The following RAB11FIP3 variants were observed in gnomAD, a reference collection of about 807,000 sequenced individuals.
RAB11FIP3 encodes RAB11 family interacting protein 3.
In RAB11FIP3, 17 loss-of-function variants were observed where a neutral mutation model predicts 77.8. That is an observed-to-expected ratio of 0.22 (90% confidence interval 0.15 to 0.33). The LOEUF is 0.33. RAB11FIP3 is among the 10% of genes least tolerant of loss of function. RAB11FIP3 has a pLI of 1.00. For missense variants in RAB11FIP3, 1,005 were observed against 1,011.2 expected (o/e 0.99, Z 0.08); for synonymous variants, 437 against 448.2 (o/e 0.98, Z 0.31).
intron 9 of RAB11FIP3, among the ~76,000 whole-genome samples, chr16:516,507 A>G (rs1208943248): frequency 1.3e-5 from 2 of 152,258 alleles, no homozygotes; most frequent in South Asian, 2.1e-4. Flanking sequence ...TAACAAACTC[A>G]TAGTGACAGC....
At chr16:427,420 G>A (rs1479966376) in intron 1 of RAB11FIP3, among the ~76,000 whole-genome samples, 1 of 152,228 alleles carries the variant, frequency 6.6e-6, no homozygotes, top group Non-Finnish European at 1.5e-5. Context: ...GGTGAAATGC[G>A]TGGACAGGCA....
chr16:430,996 C>T (rs962110661), intron 1 of RAB11FIP3, among the ~76,000 whole-genome samples: 5 of 152,194 alleles, frequency 3.3e-5, no homozygotes, highest in African/African-American at 1.2e-4. Context: ...AGCCTGGCAT[C>T]GCCTTTTATT....
chr16:493,087 C>T (rs886306809), intron 5 of RAB11FIP3, among the ~76,000 whole-genome samples: 2 of 151,992 alleles, frequency 1.3e-5, no homozygotes, highest in African/African-American at 4.8e-5. Flanking sequence ...CCTGTCTCTA[C>T]TAAAAACATA....
chr16:465,860 C>T (rs552585537), intron 2 of RAB11FIP3, among the ~76,000 whole-genome samples: 1 of 152,304 alleles, frequency 6.6e-6, no homozygotes, highest in South Asian at 2.1e-4. Context: ...CCACCTCGGC[C>T]TCCCAAAGTG....
At chr16:502,455 C>G (rs1175095885) in intron 6 of RAB11FIP3, among the ~76,000 whole-genome samples, 2 of 152,176 alleles carry the variant, frequency 1.3e-5, no homozygotes, top group African/African-American at 2.4e-5. Context: ...CTCGGTCGGA[C>G]CAGTTTCCCA....
intron 1 of RAB11FIP3, among the ~76,000 whole-genome samples, chr16:458,809 C>A (rs1316914634): frequency 6.6e-6 from 1 of 152,210 alleles, no homozygotes; most frequent in Non-Finnish European, 1.5e-5. Context: ...TTTCCTTTCT[C>A]CCTGGCCCAC....
intron 1 of RAB11FIP3, among the ~76,000 whole-genome samples, chr16:434,962 T>C (rs1470594767): frequency 6.6e-6 from 1 of 152,028 alleles, no homozygotes; most frequent in Non-Finnish European, 1.5e-5. Flanking sequence ...TCCCAGCACT[T>C]TGGGAGGCCA....
rs138947628 is a variant in RAB11FIP3, at chr16:520,770, G to T, written c.2202G>T (p.Leu734=). The T allele has an allele frequency of 6.2e-7, 1 of 1,613,828 alleles. No individual in the cohort carries two copies. The change falls in exon 14 of 14, where the codon CTG becomes CTT. Residue 734 remains leucine, a synonymous_variant. Coordinates refer to ENST00000262305, the MANE Select transcript of RAB11FIP3 (RefSeq NM_014700.4). The part of the protein sequence containing the change: ...IQKQEEINFR[L]QDYIDRIIVA... ...AGCAGGAGGAGATCAACTTCCGCCT[G>T]CAGGACTACATCGACAGGATCATCG...
intron 5 of RAB11FIP3, among the ~76,000 whole-genome samples, chr16:491,441 C>G (rs754749978): frequency 2.0e-4 from 30 of 152,096 alleles, no homozygotes; most frequent in Admixed American, 1.2e-3. Context: ...AGGGCCCTGC[C>G]TCCTCCCCTG....
At chr16:499,617 G>T (rs1596283054) in intron 6 of RAB11FIP3, among the ~76,000 whole-genome samples, 1 of 152,120 alleles carries the variant, frequency 6.6e-6, no homozygotes, top group East Asian at 1.9e-4. Context: ...CCAACATGGT[G>T]AAACCCCGTC....
In RAB11FIP3 at chr16:521,033, G is replaced by A. The variant is rs1327019070; in HGVS notation, c.*194G>A. ...GGGGCAGAGGGTGGTGGAGAGGAGA[G>A]GGAGAAAGGGAAGTCCCAGGGCCCG... On this transcript the variant is annotated 3_prime_UTR_variant, in exon 14 of 14. Transcript: ENST00000262305. The A allele has an allele frequency of 1.7e-6, 1 of 601,088 alleles. No homozygotes were observed. The highest frequency in any genetic ancestry group is 3.0e-6 in the Non-Finnish European group (1 of 337,210). The allele number at this position is 601,088 out of a possible 1,614,324, so 37.2% of individuals were successfully genotyped here. A position where few individuals can be genotyped will look rare whatever the true frequency, so the allele number is the denominator to read the frequency against.
chr16:462,178 G>A (rs2055618619), intron 2 of RAB11FIP3, among the ~76,000 whole-genome samples: 1 of 152,164 alleles, frequency 6.6e-6, no homozygotes, highest in African/African-American at 2.4e-5. Flanking sequence ...CCCTCCTGCT[G>A]GCACCATTGC....
At chr16:462,432 A>G (rs2055623211) in intron 2 of RAB11FIP3, among the ~76,000 whole-genome samples, 1 of 152,020 alleles carries the variant, frequency 6.6e-6, no homozygotes, top group Non-Finnish European at 1.5e-5. Context: ...ACGGGGTTTC[A>G]CCATGTTGGC....
chr16:499,377 A>G lies in RAB11FIP3; in HGVS notation c.1301+2518A>G, dbSNP rs186659993. Among the ~76,000 whole-genome samples the G allele has an allele frequency of 3.2e-3, 481 of 152,328 alleles. 9 individuals carry two copies. Among genetic ancestry groups the G allele is most frequent in the African/African-American group, 0.011 (456 of 41,576 alleles). Reference sequence around the variant, plus strand: ...CATGAAAGACCGGTCAAGGCCAGCTAAGGCATCTGCTTGAGGCCTCCCGTG... The same window carrying G: ...CATGAAAGACCGGTCAAGGCCAGCTGAGGCATCTGCTTGAGGCCTCCCGTG... On this transcript the variant is annotated intron_variant, in intron 6 of 13. Coordinates refer to ENST00000262305, the MANE Select transcript of RAB11FIP3 (RefSeq NM_014700.4).
rs527931354 is a variant in RAB11FIP3, at chr16:517,825, G to C, written c.1641-1118G>C. ...TGGCCGGGCGCGGTGGCTCACGCCT[G>C]TAATCCCAGCACTTTGGGAGGCCGA... On this transcript the variant is annotated intron_variant, in intron 9 of 13. Transcript: ENST00000262305. Among the ~76,000 whole-genome samples the C allele has an allele frequency of 2.2e-3, 328 of 152,324 alleles. 5 individuals carry two copies. The highest frequency in any genetic ancestry group is 7.6e-3 in the African/African-American group (315 of 41,568).
chr16:489,662 A>T lies in RAB11FIP3; in HGVS notation c.1265+662A>T, dbSNP rs536838861. 2.6e-5 allele frequency among the ~76,000 whole-genome samples: 4 copies of T among 152,282 alleles called. No homozygotes were observed. The South Asian group carries it at 8.3e-4, about 32-fold the overall frequency. On this transcript the variant is annotated intron_variant, in intron 5 of 13. Coordinates refer to ENST00000262305, the MANE Select transcript of RAB11FIP3 (RefSeq NM_014700.4). The stretch of plus-strand genomic sequence containing the variant: ...CCCCTTTGCTACTAGGTTGTCGTCC[A>T]TCTTTGCCAGCAGTCAAGGCCGAGC...
chr16:520,379 C>A, intron 12 of RAB11FIP3, 80 bp from the exon 13 acceptor site: 1 of 1,591,206 alleles, frequency 6.3e-7, no homozygotes, highest in South Asian at 1.1e-5. Flanking sequence ...AGCTGGAGGC[C>A]TTTTTCCCCG....
In RAB11FIP3 at chr16:426,625, C is replaced by T. The variant is rs754907345; in HGVS notation, c.619C>T (p.Leu207Phe). 1.9e-6 allele frequency: 3 copies of T among 1,591,896 alleles called. No individual in the cohort carries two copies. Among genetic ancestry groups the T allele is most frequent in the East Asian group, 2.3e-5 (1 of 43,800 alleles). ...PVGSQEDGPR[L>F]RAVFDALDGD... ...GGGGAGTCAGGAGGACGGCCCCCGC[C>T]TCCGAGCCGTGTTCGATGCCCTGGA... Residue 207 changes from leucine (L) to phenylalanine (F), a missense_variant, in exon 1 of 14, where the codon CTC (leucine) becomes TTC (phenylalanine). By Grantham distance (22) the Leu-to-Phe change is conservative (BLOSUM62 0). This residue lies in a region of RAB11FIP3 where 466 missense variants were observed against 408.3 expected (regional missense o/e 1.14). Coordinates refer to ENST00000262305, the MANE Select transcript of RAB11FIP3 (RefSeq NM_014700.4). The surrounding 1 kb of genome is among the most constrained non-coding windows in gnomAD (Gnocchi z 5.0).
At chr16:487,779 C>A (rs989149656) in intron 4 of RAB11FIP3, among the ~76,000 whole-genome samples, 10 of 152,186 alleles carry the variant, frequency 6.6e-5, no homozygotes, top group African/African-American at 2.4e-4. Context: ...CAGAACTTGG[C>A]TGTGGAGGAG....
Sources: allele counts gnomAD v4.1 joint callset (sites outside exome capture counted in the v4.1 genomes callset), GRCh38; gene constraint gnomAD v4.1.1; regional missense constraint gnomAD v4.1.1; non-coding constraint Gnocchi (gnomAD v3.1); transcripts MANE v1.5; gene names NCBI Gene and HGNC (gene_info 2026-07-23, HGNC 2026-07-21).